The following FHL2 variants were observed in gnomAD, a reference collection of about 807,000 sequenced individuals.
FHL2 encodes four and a half LIM domains protein 2.
A neutral mutation model predicts 32.7 loss-of-function variants in FHL2; 20 were observed. That is an observed-to-expected ratio of 0.61 (90% CI 0.43 to 0.89). FHL2 has a LOEUF of 0.89. Ranked by LOEUF, FHL2 falls within the 40% of genes least tolerant of loss-of-function variation. FHL2 has a pLI of 0.00. For missense variants in FHL2, 311 were observed against 358.6 expected, an observed-to-expected ratio of 0.87 and a Z score of 1.07; for synonymous variants, 123 against 128.1, an observed-to-expected ratio of 0.96 and a Z score of 0.27.
intron 1 of FHL2, among the ~76,000 whole-genome samples, chr2:105,418,938 A>G (rs1309591911): frequency 1.3e-5 from 2 of 152,230 alleles, no homozygotes; most frequent in African/African-American, 4.8e-5. Context: ...AGGAAAAAAC[A>G]TAGTATATGC....
In FHL2 at chr2:105,392,389, T is replaced by C. The variant is rs1272741780; in HGVS notation, c.-25+4258A>G. 6.6e-5 allele frequency among the ~76,000 whole-genome samples: 10 copies of C among 152,226 alleles called. No homozygotes were observed. In the Middle Eastern group the frequency reaches 0.01, roughly 155 times the overall value. On this transcript the variant is annotated intron_variant, in intron 2 of 6. Coordinates refer to ENST00000530340, the MANE Select transcript of FHL2 (RefSeq NM_001318895.3). Reference sequence around the variant, plus strand: ...CTCAGGAGGCTGAGGTGGGAGGATCTTGAGCCCAGGAGGTCGAGGCTGCAG... The same window carrying C: ...CTCAGGAGGCTGAGGTGGGAGGATCCTGAGCCCAGGAGGTCGAGGCTGCAG...
At chr2:105,363,181 G>A in intron 6 of FHL2, 104 bp downstream of exon 6, 1 of 1,064,290 alleles carries the variant, frequency 9.4e-7, no homozygotes, top group Non-Finnish European at 1.4e-6. Context: ...GAGCCTTAGG[G>A]AGGTCTGGGG....
At chr2:105,404,141 G>A (rs531408326), upstream of FHL2, among the ~76,000 whole-genome samples, 22 of 152,316 alleles carry the variant, frequency 1.4e-4, no homozygotes, top group African/African-American at 5.1e-4. Context: ...AACATGAGCT[G>A]GAGGTCAGAC....
chr2:105,379,059 GC>G (rs1432229375), intron 3 of FHL2, among the ~76,000 whole-genome samples: 1 of 152,154 alleles, frequency 6.6e-6, no homozygotes, highest in African/African-American at 2.4e-5. Context: ...TGATTAAATT[GC>G]TTGGTTATTT....
chr2:105,380,599 G>C (rs1681819268), intron 3 of FHL2, among the ~76,000 whole-genome samples: 2 of 152,154 alleles, frequency 1.3e-5, no homozygotes, highest in African/African-American at 4.8e-5. Flanking sequence ...CATGCCGGTA[G>C]CTTAATTTTG....
At chr2:105,399,387 G>C (rs1242589621), upstream of FHL2, 3 of 1,536,002 alleles carry the variant, frequency 2.0e-6, no homozygotes, top group African/African-American at 4.1e-5. Context: ...GGTCCCAGGA[G>C]CGGGAGACTG....
chr2:105,396,165 A>G (rs1683115944), intron 2 of FHL2, among the ~76,000 whole-genome samples: 1 of 152,202 alleles, frequency 6.6e-6, no homozygotes, highest in South Asian at 2.1e-4. Context: ...ATGTACATAG[A>G]GAGATTTATC....
At chr2:105,395,136 A>G (rs1181175321) in intron 2 of FHL2, among the ~76,000 whole-genome samples, 1 of 152,274 alleles carries the variant, frequency 6.6e-6, no homozygotes, top group Non-Finnish European at 1.5e-5. Context: ...AAGGAGTTCC[A>G]GTCTAGTTCT....
In FHL2 at chr2:105,361,236, A is replaced by G. The variant is rs1558676430; in HGVS notation, c.*47T>C. 1 of 1,576,974 alleles carries G rather than the reference A, an allele frequency of 6.3e-7. No homozygotes were observed. Among genetic ancestry groups the G allele is most frequent in the Non-Finnish European group, 8.6e-7 (1 of 1,157,566 alleles). On this transcript the variant is annotated 3_prime_UTR_variant, in exon 7 of 7. Transcript: ENST00000530340. ...ATTGCCTGGGTGAGAAAGAAAACATAAAAATCTGTGTGTGAGATCACAAGC... is the reference window on the plus strand; with the variant it reads ...ATTGCCTGGGTGAGAAAGAAAACATGAAAATCTGTGTGTGAGATCACAAGC...
intron 1 of FHL2, among the ~76,000 whole-genome samples, chr2:105,413,796 C>T (rs1437201104): frequency 1.3e-5 from 2 of 152,188 alleles, no homozygotes; most frequent in Non-Finnish European, 2.9e-5. Context: ...TGTTTTTCTT[C>T]TACTGGATGC....
intron 1 of FHL2, among the ~76,000 whole-genome samples, chr2:105,436,522 T>C (rs917607110): frequency 2.6e-5 from 4 of 152,108 alleles, no homozygotes; most frequent in African/African-American, 9.7e-5. Context: ...TGGCCATAAA[T>C]TGGAAGAAAG....
chr2:105,366,227 A>C (rs527599897), intron 5 of FHL2, among the ~76,000 whole-genome samples: 34 of 152,236 alleles, frequency 2.2e-4, no homozygotes, highest in African/African-American at 7.9e-4. Flanking sequence ...GAAAAAAAAA[A>C]AGGAAATGAG....
chr2:105,369,734 A>T lies in FHL2; in HGVS notation c.332-1995T>A, dbSNP rs780287728. ...CTTGCTCTTTGGATCTCTGACATTC[A>T]TTCTGATCAAGCAGCCCAGAAGCCA... is the stretch of plus-strand genomic sequence containing the variant. On this transcript the variant is annotated intron_variant, in intron 4 of 6. Coordinates refer to ENST00000530340, the MANE Select transcript of FHL2 (RefSeq NM_001318895.3). 1.8e-4 allele frequency among the ~76,000 whole-genome samples: 27 copies of T among 152,244 alleles called. 1 individual carries two copies. Among genetic ancestry groups the T allele is most frequent in the Non-Finnish European group, 5.9e-5 (4 of 68,048 alleles).
chr2:105,413,082 G>T (rs879374729), intron 1 of FHL2, among the ~76,000 whole-genome samples: 1 of 152,188 alleles, frequency 6.6e-6, no homozygotes, highest in African/African-American at 2.4e-5. Flanking sequence ...CGTGTGACTG[G>T]TGTGACTGCT....
In FHL2 at chr2:105,399,005, T is replaced by A; in HGVS notation, c.-239A>T. 3 of 1,503,458 alleles carry A rather than the reference T, an allele frequency of 2.0e-6. No homozygotes were observed. The highest frequency in any genetic ancestry group is 2.7e-6 in the Non-Finnish European group (3 of 1,129,418). The allele number at this position is 1,503,458 out of a possible 1,614,324, so 93.1% of individuals were successfully genotyped here. On this transcript the variant is annotated 5_prime_UTR_variant, in exon 1 of 7. Coordinates refer to ENST00000530340, the MANE Select transcript of FHL2 (RefSeq NM_001318895.3). ...CGGGCCGGGGACTCCCGGACGGGGC[T>A]GGAGGGCGCGGGCGGCTGGTGGCTG...
At chr2:105,426,695 A>T (rs1419536694) in intron 1 of FHL2, among the ~76,000 whole-genome samples, 4 of 152,222 alleles carry the variant, frequency 2.6e-5, no homozygotes, top group Non-Finnish European at 5.9e-5. Flanking sequence ...TCAGGCGGAG[A>T]TATTTTCCAC....
chr2:105,389,142 C>T (rs988280453), intron 2 of FHL2, among the ~76,000 whole-genome samples: 4 of 152,178 alleles, frequency 2.6e-5, no homozygotes, highest in African/African-American at 9.7e-5. Context: ...TGGACACATG[C>T]GGCAAGATCC....
intron 3 of FHL2, among the ~76,000 whole-genome samples, chr2:105,382,631 C>T (rs1286258577): frequency 3.9e-5 from 6 of 152,198 alleles, no homozygotes; most frequent in Non-Finnish European, 5.9e-5. Flanking sequence ...TCAAAGACTA[C>T]CACTAGAAAC....
intron 2 of FHL2, 23 bp from the exon 3 acceptor site, chr2:105,386,563 C>T (rs1218320020): frequency 1.2e-6 from 2 of 1,611,742 alleles, no homozygotes; most frequent in African/African-American, 2.7e-5. Flanking sequence ...AAAGAAAATC[C>T]AAGTCCCATT....
Sources: gnomAD v4.1 joint callset for allele counts (sites outside exome capture counted in the v4.1 genomes callset) on GRCh38, gnomAD v4.1.1 for gene constraint, MANE v1.5 for transcripts, NCBI Gene and HGNC (gene_info 2026-07-23, HGNC 2026-07-21) for gene names.